Variants in ADAM12 observed in about 807,000 individuals in gnomAD.
ADAM12 encodes the protein disintegrin and metalloproteinase domain-containing protein 12.
ADAM12 carries 70 observed loss-of-function variants against 106.4 expected under a neutral mutation model. The observed-to-expected ratio is 0.66, with a 90% confidence interval of 0.54 to 0.80. The LOEUF (loss-of-function observed/expected upper bound fraction) is 0.80, where lower values mean the gene tolerates loss of function less well. Among genes scored for constraint, ADAM12 ranks in the 30% least tolerant of loss-of-function variants. The pLI is 0.00. For missense variants in ADAM12, 1,010 were observed against 1,171.9 expected, an observed-to-expected ratio of 0.86 and a Z score of 2.02; for synonymous variants, 420 against 433.5, an observed-to-expected ratio of 0.97 and a Z score of 0.39.
intron 1 of ADAM12, among the ~76,000 whole-genome samples, chr10:126,348,589 T>G (rs1485522072): frequency 1.3e-5 from 2 of 152,212 alleles, no homozygotes; most frequent in Non-Finnish European, 2.9e-5. Context: ...GTGCAGTAGA[T>G]GTGATCTACG....
chr10:126,214,717 A>T (rs1957956683), intron 3 of ADAM12, among the ~76,000 whole-genome samples: 1 of 152,202 alleles, frequency 6.6e-6, no homozygotes, highest in South Asian at 2.1e-4. Flanking sequence ...ATGAGAGCAA[A>T]CGTTTTTGAG....
At chr10:126,134,346 T>C (rs1186659872) in intron 5 of ADAM12, among the ~76,000 whole-genome samples, 1 of 152,172 alleles carries the variant, frequency 6.6e-6, no homozygotes, top group Non-Finnish European at 1.5e-5. Flanking sequence ...AGCCGTAGAA[T>C]GATGTATATG....
At chr10:126,371,575 T>C (rs1856115221) in intron 1 of ADAM12, among the ~76,000 whole-genome samples, 1 of 152,240 alleles carries the variant, frequency 6.6e-6, no homozygotes, top group Non-Finnish European at 1.5e-5. Flanking sequence ...AGATTCTGGA[T>C]GTTCTAAATG....
At chr10:126,271,329 T>C (rs1396393769) in intron 3 of ADAM12, among the ~76,000 whole-genome samples, 1 of 152,232 alleles carries the variant, frequency 6.6e-6, no homozygotes, top group Non-Finnish European at 1.5e-5. Flanking sequence ...CCATTCTGCC[T>C]ACTTAACATT....
intron 1 of ADAM12, among the ~76,000 whole-genome samples, chr10:126,364,715 A>C (rs1363610797): frequency 3.9e-5 from 6 of 152,190 alleles, no homozygotes; most frequent in African/African-American, 1.4e-4. Context: ...TCAATAACAA[A>C]GTGACCAAAG....
chr10:126,286,428 G>T (rs904682519), intron 2 of ADAM12, among the ~76,000 whole-genome samples: 2 of 152,126 alleles, frequency 1.3e-5, no homozygotes, highest in African/African-American at 2.4e-5. Flanking sequence ...AATACTGGAA[G>T]CTCAGAGGGA....
chr10:126,231,043 A>AC (rs1958299678), intron 3 of ADAM12, among the ~76,000 whole-genome samples: 2 of 152,210 alleles, frequency 1.3e-5, no homozygotes, highest in Non-Finnish European at 2.9e-5. Context: ...GTAAGACATC[A>AC]ACTTAAAGGG....
At chr10:126,103,500 A>G (rs1368966810) in intron 8 of ADAM12, among the ~76,000 whole-genome samples, 1 of 152,214 alleles carries the variant, frequency 6.6e-6, no homozygotes, top group Non-Finnish European at 1.5e-5. Flanking sequence ...AATTATTATT[A>G]TTTCTATTTT....
chr10:126,386,027 C>A (rs1052102102), intron 1 of ADAM12, among the ~76,000 whole-genome samples: 1 of 151,964 alleles, frequency 6.6e-6, no homozygotes, highest in African/African-American at 2.4e-5. Context: ...AGGCACACTT[C>A]GGGATGTAAG....
At chr10:126,239,158 A>G (rs567872255) in intron 3 of ADAM12, among the ~76,000 whole-genome samples, 2 of 152,376 alleles carry the variant, frequency 1.3e-5, no homozygotes, top group South Asian at 4.1e-4. Context: ...GTTAAAGATT[A>G]GCTTTTGATT....
chr10:126,265,077 A>G (rs967114403), intron 3 of ADAM12, among the ~76,000 whole-genome samples: 2 of 152,084 alleles, frequency 1.3e-5, no homozygotes, highest in African/African-American at 4.8e-5. Flanking sequence ...ATAAGAAGCT[A>G]CTCCAGGACA....
intron 2 of ADAM12, among the ~76,000 whole-genome samples, chr10:126,286,231 T>C (rs913747243): frequency 1.3e-5 from 2 of 152,070 alleles, no homozygotes; most frequent in Admixed American, 1.3e-4. Context: ...CTTAGAAACA[T>C]CTGCCCTGAT....
intron 1 of ADAM12, among the ~76,000 whole-genome samples, chr10:126,375,684 T>C (rs1210385333): frequency 7.4e-6 from 1 of 134,358 alleles, no homozygotes; most frequent in Non-Finnish European, 1.6e-5. Flanking sequence ...AAGTTAGTTA[T>C]TTTCATTAAA....
chr10:126,350,533 T>C (rs1590813452), intron 1 of ADAM12, among the ~76,000 whole-genome samples: 1 of 152,200 alleles, frequency 6.6e-6, no homozygotes, highest in Admixed American at 6.5e-5. Context: ...AACTCCATCA[T>C]TCTAGGAAGT....
At chr10:126,023,109 G>GC (rs1418774443) in intron 21 of ADAM12, among the ~76,000 whole-genome samples, 1 of 152,208 alleles carries the variant, frequency 6.6e-6, no homozygotes, top group East Asian at 1.9e-4. Context: ...TGCCAGAGAT[G>GC]CCCCAGAGAT....
intron 6 of ADAM12, among the ~76,000 whole-genome samples, chr10:126,115,093 C>A (rs1955955241): frequency 2.6e-5 from 4 of 152,160 alleles, no homozygotes; most frequent in Admixed American, 2.6e-4. Context: ...AGCACCTCCC[C>A]AACTCGCTGT....
rs535451558 is a variant in ADAM12, at chr10:126,101,124, T to G, written c.859A>C (p.Arg287=). Residue 287 remains arginine, a synonymous_variant, in exon 9 of 23, where the codon AGG becomes CGG. Coordinates refer to ENST00000448723, the MANE Select transcript of ADAM12 (RefSeq NM_001288973.2). ...TTGCGAGGTAGAAGCTTCATCTTCCTCCAGTCCAGAAATTCATGGAGGCTG... is the reference window on the plus strand; with the variant it reads ...TTGCGAGGTAGAAGCTTCATCTTCCGCCAGTCCAGAAATTCATGGAGGCTG... ...FTSLHEFLDW[R]KMKLLPRKSH... 2.5e-6 allele frequency: 4 copies of G among 1,614,028 alleles called. No homozygotes were observed. The Admixed American group carries it at 6.7e-5, about 27-fold the overall frequency.
intron 3 of ADAM12, among the ~76,000 whole-genome samples, chr10:126,186,639 G>C (rs904886213): frequency 2.0e-5 from 3 of 152,072 alleles, no homozygotes; most frequent in Non-Finnish European, 2.9e-5. Flanking sequence ...GGCCATAGAG[G>C]GGGGCAGGAA....
chr10:126,194,415 C>T (rs1211987384), intron 3 of ADAM12, among the ~76,000 whole-genome samples: 1 of 151,876 alleles, frequency 6.6e-6, no homozygotes, highest in Non-Finnish European at 1.5e-5. Flanking sequence ...CACCATTTAT[C>T]GGGAAGCAGA....
Sources: gnomAD v4.1 joint callset for allele counts (sites outside exome capture counted in the v4.1 genomes callset) on GRCh38, gnomAD v4.1.1 for gene constraint, MANE v1.5 for transcripts, NCBI Gene and HGNC (gene_info 2026-07-23, HGNC 2026-07-21) for gene names.